RPTOR: variants seen among roughly 807,000 people sequenced by gnomAD.
The protein encoded by RPTOR is regulatory-associated protein of mTOR.
A neutral mutation model predicts 169.9 loss-of-function variants in RPTOR; 21 were observed. The ratio of observed to expected loss-of-function variants is 0.12; its 90% confidence interval spans 0.09 to 0.18. The LOEUF (loss-of-function observed/expected upper bound fraction) is 0.18. Among genes scored for constraint, RPTOR ranks in the 10% least tolerant of loss-of-function variants. The pLI, the probability that RPTOR is intolerant of heterozygous loss-of-function variation, is 1.00. For synonymous variants in RPTOR, 732 were observed against 753.2 expected (o/e 0.97, Z 0.46); for missense variants, 1,133 against 1,855.9 (o/e 0.61, Z 7.16).
chr17:80,767,347 G>GGGTCC (rs746859275), intron 6 of RPTOR, among the ~76,000 whole-genome samples: 4 of 152,158 alleles, frequency 2.6e-5, no homozygotes, highest in Non-Finnish European at 4.4e-5. Flanking sequence ...GTCCAGCATA[G>GGGTCC]ACCACAGAGT....
intron 5 of RPTOR, among the ~76,000 whole-genome samples, chr17:80,753,384 C>T (rs1473273909): frequency 1.8e-4 from 28 of 152,072 alleles, no homozygotes. Context: ...CCTGTAATCC[C>T]AGCACTTTGG....
chr17:80,549,200 G>T (rs2084315544), intron 1 of RPTOR, among the ~76,000 whole-genome samples: 1 of 152,116 alleles, frequency 6.6e-6, no homozygotes, highest in Non-Finnish European at 1.5e-5. Context: ...TTATTATCAA[G>T]TTAGTTTGTT....
chr17:80,745,776 C>T (rs2066566771), intron 5 of RPTOR, among the ~76,000 whole-genome samples: 1 of 152,180 alleles, frequency 6.6e-6, no homozygotes, highest in East Asian at 1.9e-4. Flanking sequence ...GTAAAGACTC[C>T]TCTGGAGTTG....
At chr17:80,706,343 A>T (rs1710216551) in intron 3 of RPTOR, among the ~76,000 whole-genome samples, 1 of 152,174 alleles carries the variant, frequency 6.6e-6, no homozygotes, top group South Asian at 2.1e-4. Context: ...AGTACTTTGC[A>T]GGAAAAGAGC....
At chr17:80,758,376 G>C (rs1010536309) in intron 6 of RPTOR, among the ~76,000 whole-genome samples, 1 of 152,280 alleles carries the variant, frequency 6.6e-6, no homozygotes, top group Admixed American at 6.5e-5. Flanking sequence ...TGAAGTCCAA[G>C]TCCATTGTGG....
chr17:80,946,892 CA>C (rs1442608071), intron 26 of RPTOR, among the ~76,000 whole-genome samples: 1 of 152,262 alleles, frequency 6.6e-6, no homozygotes, highest in Non-Finnish European at 1.5e-5. Context: ...GAGGAACCAC[CA>C]GGCTGTTTTC....
intron 9 of RPTOR, among the ~76,000 whole-genome samples, chr17:80,836,994 G>C (rs933262079): frequency 1.3e-5 from 2 of 152,126 alleles, no homozygotes; most frequent in Non-Finnish European, 2.9e-5. Flanking sequence ...CCTGAGCAAG[G>C]ATGAGAGCAG....
chr17:80,771,426 G>A (rs2066841985), intron 6 of RPTOR, among the ~76,000 whole-genome samples: 1 of 152,152 alleles, frequency 6.6e-6, no homozygotes, highest in South Asian at 2.1e-4. Context: ...GCCGCCCGCT[G>A]GCCCTCCTGG....
intron 6 of RPTOR, among the ~76,000 whole-genome samples, chr17:80,782,180 G>A (rs1385288246): frequency 6.6e-6 from 1 of 152,170 alleles, no homozygotes; most frequent in African/African-American, 2.4e-5. Context: ...CAGAGGCAGC[G>A]GCTGGTTTCT....
At chr17:80,689,928 T>C (rs2316060) in intron 3 of RPTOR, among the ~76,000 whole-genome samples, 26,663 of 152,118 alleles carry the variant, frequency 0.18, 3,713 homozygotes, top group African/African-American at 0.39. Flanking sequence ...AATGTCTGGC[T>C]GCACCTTGGA....
chr17:80,877,102 T>A (rs1349650435), intron 13 of RPTOR, among the ~76,000 whole-genome samples: 1 of 151,846 alleles, frequency 6.6e-6, no homozygotes, highest in Non-Finnish European at 1.5e-5. Context: ...ACGCAGGGAG[T>A]GTGTGTTGCC....
intron 1 of RPTOR, among the ~76,000 whole-genome samples, chr17:80,570,260 G>T (rs1433472483): frequency 6.6e-6 from 1 of 152,036 alleles, no homozygotes; most frequent in Non-Finnish European, 1.5e-5. Context: ...AGTGTTTTAT[G>T]TATTGTGTTC....
At chr17:80,664,194 G>T (rs1292585352) in intron 3 of RPTOR, among the ~76,000 whole-genome samples, 1 of 152,158 alleles carries the variant, frequency 6.6e-6, no homozygotes, top group Non-Finnish European at 1.5e-5. Flanking sequence ...GCCTTCTCAT[G>T]GGGGCTGGGC....
At chr17:80,713,780 C>T (rs576081891) in intron 4 of RPTOR, among the ~76,000 whole-genome samples, 4 of 152,074 alleles carry the variant, frequency 2.6e-5, no homozygotes, top group East Asian at 1.9e-4. Flanking sequence ...CCTGAGTGTG[C>T]GTGCGCTTAA....
At position 80,700,436 on chromosome 17, in the gene RPTOR, A is replaced by G. The variant is rs79341363; in HGVS notation, c.349-7405A>G. Among the ~76,000 whole-genome samples the G allele has an allele frequency of 2.4e-3, 112 of 47,438 alleles. 1 individual carries two copies. The highest frequency in any genetic ancestry group is 5.1e-3 in the South Asian group (8 of 1,576). The allele number at this position is 47,438 out of a possible 152,430, so 31.1% of individuals were successfully genotyped here. A position where few individuals can be genotyped will look rare whatever the true frequency, so the allele number is the denominator to read the frequency against. On this transcript the variant is annotated intron_variant, in intron 3 of 33. Coordinates refer to ENST00000306801, the MANE Select transcript of RPTOR (RefSeq NM_020761.3). ...GGTGGTGATGGTGATGGTGGTGGTT[A>G]TGATGGTGGTGGTGGTGATGGTGGT... is the stretch of plus-strand genomic sequence containing the variant.
chr17:80,924,221 G>C (rs1281318386), intron 23 of RPTOR: 1 of 153,162 alleles, frequency 6.5e-6, no homozygotes, highest in Non-Finnish European at 1.5e-5. Context: ...AGGGTTATGA[G>C]AGTGGTGTGA....
chr17:80,594,724 A>T (rs1405775434), intron 1 of RPTOR, among the ~76,000 whole-genome samples: 1 of 152,222 alleles, frequency 6.6e-6, no homozygotes, highest in Non-Finnish European at 1.5e-5. Flanking sequence ...AAAAATATCC[A>T]TCACCGGGTG....
Position 80,739,430 on chromosome 17 carries a change from A to G in RPTOR, c.654+8724A>G, listed in dbSNP as rs577690071. Among the ~76,000 whole-genome samples, 5 of 109,870 alleles carry G rather than the reference A, an allele frequency of 4.6e-5. No homozygotes were observed. In the South Asian group the frequency reaches 1.3e-3, roughly 30 times the overall value. 72.1% of individuals were successfully genotyped at this position (109,870 alleles called of 152,430 possible). ...TAGAGATCAGAAAAGAAGTTAGGCC[A>G]TCTTTTCTTGAAGTGATCACCTGTG... On this transcript the variant is annotated intron_variant, in intron 5 of 33. Coordinates refer to ENST00000306801, the MANE Select transcript of RPTOR (RefSeq NM_020761.3).
chr17:80,567,223 A>C (rs988231285), intron 1 of RPTOR, among the ~76,000 whole-genome samples: 1 of 151,920 alleles, frequency 6.6e-6, no homozygotes, highest in African/African-American at 2.4e-5. Context: ...CACCTGCCTC[A>C]GCCTCTCAAA....
Sources: gnomAD v4.1 joint callset for allele counts (sites outside exome capture counted in the v4.1 genomes callset) on GRCh38, gnomAD v4.1.1 for gene constraint, MANE v1.5 for transcripts, NCBI Gene and HGNC (gene_info 2026-07-23, HGNC 2026-07-21) for gene names.